Variants in FAXC observed in about 807,000 individuals in gnomAD.
FAXC encodes failed axon connections homolog.
FAXC carries 10 observed loss-of-function variants against 41.9 expected under a neutral mutation model. The observed-to-expected ratio is 0.24, with a 90% CI of 0.15 to 0.41. FAXC has a LOEUF of 0.41. Ranked by LOEUF, FAXC falls within the 10% of genes least tolerant of loss-of-function variation. The pLI, the probability that FAXC is intolerant of heterozygous loss-of-function variation, is 1.00. For missense variants in FAXC, 399 were observed against 510.9 expected, an observed-to-expected ratio of 0.78 and a Z score of 2.11; for synonymous variants, 183 against 183.8, an observed-to-expected ratio of 1.00 and a Z score of 0.03.
chr6:99,306,697 C>T (rs1165527583), intron 4 of FAXC, among the ~76,000 whole-genome samples: 10 of 152,202 alleles, frequency 6.6e-5, no homozygotes, highest in Admixed American at 5.9e-4. Context: ...TCAGCAATGA[C>T]TTCTGGCTTC....
At position 99,276,045 on chromosome 6, in the gene FAXC, T is replaced by C. The variant is rs1318040446; in HGVS notation, c.*5119A>G. 1 of 151,964 alleles carries C rather than the reference T, an allele frequency of 6.6e-6. No individual in the cohort carries two copies. Among genetic ancestry groups the C allele is most frequent in the Non-Finnish European group, 1.5e-5 (1 of 68,024 alleles). The allele number at this position is 151,964 out of a possible 1,614,324, so 9.4% of individuals were successfully genotyped here. A position where few individuals can be genotyped will look rare whatever the true frequency, so the allele number is the denominator to read the frequency against. On this transcript the variant is annotated 3_prime_UTR_variant, in exon 6 of 6. Coordinates refer to ENST00000389677, the MANE Select transcript of FAXC (RefSeq NM_032511.4). Reference sequence around the variant, plus strand: ...AGCCTGGGAAGTATTCGTCATTGAGTGTACTTTTATCAGTTCTAGTTTGAC... The same window carrying C: ...AGCCTGGGAAGTATTCGTCATTGAGCGTACTTTTATCAGTTCTAGTTTGAC...
chr6:99,311,762 T>A (rs527413550), intron 4 of FAXC, among the ~76,000 whole-genome samples: 1 of 152,124 alleles, frequency 6.6e-6, no homozygotes, highest in East Asian at 1.9e-4. Flanking sequence ...GTCCTCCCAA[T>A]TGTGGACAGC....
chr6:99,310,889 G>T (rs1459516948), intron 4 of FAXC, among the ~76,000 whole-genome samples: 1 of 152,164 alleles, frequency 6.6e-6, no homozygotes, highest in Non-Finnish European at 1.5e-5. Context: ...AGACTTGAAG[G>T]CCTAATGTGG....
At chr6:99,295,772 T>G (rs1400621510) in intron 4 of FAXC, among the ~76,000 whole-genome samples, 1 of 152,250 alleles carries the variant, frequency 6.6e-6, no homozygotes, top group Non-Finnish European at 1.5e-5. Context: ...AACCATGTGG[T>G]AAAGGTGGTA....
chr6:99,309,836 C>A, intron 4 of FAXC: 1 of 879,346 alleles, frequency 1.1e-6, no homozygotes, highest in Middle Eastern at 5.8e-4. Flanking sequence ...GAGGTACTCA[C>A]CAGAATGCAA....
chr6:99,316,646 G>A (rs552123243), intron 4 of FAXC, among the ~76,000 whole-genome samples: 18 of 152,242 alleles, frequency 1.2e-4, no homozygotes, highest in African/African-American at 4.1e-4. Context: ...ACTGCTTCAT[G>A]GTATAGGCTT....
chr6:99,342,529 A>T (rs1218569034), intron 2 of FAXC, among the ~76,000 whole-genome samples: 4 of 152,150 alleles, frequency 2.6e-5, no homozygotes, highest in Non-Finnish European at 1.5e-5. Context: ...TTTTTAGTAG[A>T]GACAGGGTTT....
Position 99,313,650 on chromosome 6 carries a change from T to A in FAXC, c.823+9794A>T, listed in dbSNP as rs374649611. On this transcript the variant is annotated intron_variant, in intron 4 of 5. Transcript: ENST00000389677. ...AGCTCAACATTCTATAAGTTTCCCATATTTTATTCTGGCACCTTTATGGTT... is the reference window on the plus strand; with the variant it reads ...AGCTCAACATTCTATAAGTTTCCCAAATTTTATTCTGGCACCTTTATGGTT... Among the ~76,000 whole-genome samples, 7 of 152,368 alleles carry A rather than the reference T, an allele frequency of 4.6e-5. No homozygotes were observed. In the East Asian group the frequency reaches 9.6e-4, roughly 21 times the overall value.
At position 99,298,229 on chromosome 6, in the gene FAXC, CTTT is replaced by C. The variant is rs57836761; in HGVS notation, c.824-6412_824-6410del. ...GCATGTAGTATAATCACCTGGAAGG[CTTT>C]TTTTTTTTTTTCTTTTTTAGTGGAG... is the stretch of plus-strand genomic sequence containing the variant. On this transcript the variant is annotated intron_variant, in intron 4 of 5. Transcript: ENST00000389677. Among the ~76,000 whole-genome samples, 58 of 142,494 alleles carry C rather than the reference CTTT, an allele frequency of 4.1e-4. No homozygotes were observed. In the East Asian group the frequency reaches 7.2e-3, roughly 18 times the overall value. The allele number at this position is 142,494 out of a possible 152,430, so 93.5% of individuals were successfully genotyped here. A position where few individuals can be genotyped will look rare whatever the true frequency, so the allele number is the denominator to read the frequency against.
At chr6:99,315,681 A>G (rs948510856) in intron 4 of FAXC, among the ~76,000 whole-genome samples, 1 of 152,190 alleles carries the variant, frequency 6.6e-6, no homozygotes, top group Non-Finnish European at 1.5e-5. Context: ...ACTATTTCTG[A>G]TCCTACTTAC....
chr6:99,276,107 C>T lies in FAXC; in HGVS notation c.*5057G>A, dbSNP rs1475146107. On this transcript the variant is annotated 3_prime_UTR_variant, in exon 6 of 6. Coordinates refer to ENST00000389677, the MANE Select transcript of FAXC (RefSeq NM_032511.4). ...TGCATATAAAGGAGAACAAAGGATC[C>T]TGGGTCATAGTCAGGAACAATAAAA... 1 of 151,160 alleles carries T rather than the reference C, an allele frequency of 6.6e-6. No homozygotes were observed. Among genetic ancestry groups the T allele is most frequent in the South Asian group, 2.1e-4 (1 of 4,784 alleles). 9.4% of individuals were successfully genotyped at this position (151,160 alleles called of 1,614,324 possible).
chr6:99,340,288 A>C (rs113061003), intron 2 of FAXC, among the ~76,000 whole-genome samples: 7,423 of 152,000 alleles, frequency 0.049, 611 homozygotes, highest in African/African-American at 0.17. Flanking sequence ...TTTAATAGAG[A>C]TGGGGTTTCA....
chr6:99,297,197 G>A (rs1382408243), intron 4 of FAXC, among the ~76,000 whole-genome samples: 2 of 152,094 alleles, frequency 1.3e-5, no homozygotes. Flanking sequence ...TCTGTCATGG[G>A]CAGCCACAGA....
In FAXC at chr6:99,274,227, A is replaced by C. The variant is rs528957892; in HGVS notation, c.*6937T>G. Reference sequence around the variant, plus strand: ...AATGGGGGACATGAGCATAGAAATTAAGATAAAGATAAATGTTACTTCACT... The same window carrying C: ...AATGGGGGACATGAGCATAGAAATTCAGATAAAGATAAATGTTACTTCACT... On this transcript the variant is annotated 3_prime_UTR_variant, in exon 6 of 6. Transcript: ENST00000389677. The C allele has an allele frequency of 6.6e-6, 1 of 152,310 alleles. No individual in the cohort carries two copies. The highest frequency in any genetic ancestry group is 1.9e-4 in the East Asian group (1 of 5,186). The allele number at this position is 152,310 out of a possible 1,614,324, so 9.4% of individuals were successfully genotyped here. A position where few individuals can be genotyped will look rare whatever the true frequency, so the allele number is the denominator to read the frequency against.
At chr6:99,300,933 T>A (rs1204197955) in intron 4 of FAXC, among the ~76,000 whole-genome samples, 1 of 152,246 alleles carries the variant, frequency 6.6e-6, no homozygotes, top group Non-Finnish European at 1.5e-5. Context: ...TGGGAGGTTT[T>A]GTGTTTGGCC....
chr6:99,322,741 C>T (rs1415319861), intron 4 of FAXC, among the ~76,000 whole-genome samples: 1 of 152,174 alleles, frequency 6.6e-6, no homozygotes, highest in Non-Finnish European at 1.5e-5. Context: ...CAGTAAAGAA[C>T]CACATCAGCC....
chr6:99,341,708 T>G (rs1246277139), intron 2 of FAXC, among the ~76,000 whole-genome samples: 2 of 151,980 alleles, frequency 1.3e-5, no homozygotes, highest in Non-Finnish European at 2.9e-5. Context: ...TAAGCAGAAA[T>G]ACAGAAGGTC....
intron 5 of FAXC, among the ~76,000 whole-genome samples, chr6:99,288,922 A>C (rs543587530): frequency 1.3e-5 from 2 of 150,064 alleles, no homozygotes; most frequent in Admixed American, 6.6e-5. Flanking sequence ...ACCCATCTAC[A>C]TGACCACCAC....
chr6:99,309,824 G>C (rs1416704736), intron 4 of FAXC: 2 of 751,050 alleles, frequency 2.7e-6, no homozygotes, highest in Non-Finnish European at 3.2e-6. Flanking sequence ...TTGTAAGAGG[G>C]TGAGGTACTC....
Sources: allele counts gnomAD v4.1 joint callset (sites outside exome capture counted in the v4.1 genomes callset), GRCh38; gene constraint gnomAD v4.1.1; transcripts MANE v1.5; gene names NCBI Gene and HGNC (gene_info 2026-07-23, HGNC 2026-07-21).